The following SMIM35 variants were observed in gnomAD, a reference collection of about 807,000 sequenced individuals.
SMIM35 encodes the protein small integral membrane protein 35.
chr11:118,058,987 G>A (rs956280103), intron 1 of SMIM35: 10 of 152,464 alleles, frequency 6.6e-5, no homozygotes, highest in African/African-American at 1.9e-4. Flanking sequence ...AGAGCTGGGG[G>A]AGGCCTCCCA....
At chr11:118,038,788 T>C (rs55825454) in intron 1 of SMIM35, among the ~76,000 whole-genome samples, 2,925 of 151,574 alleles carry the variant, frequency 0.019, 43 homozygotes, top group African/African-American at 0.046. Context: ...TGAAAGATGA[T>C]AGGAATCAGA....
chr11:118,028,778 AAGG>A (rs1347787700), intron 1 of SMIM35: 4 of 447,944 alleles, frequency 8.9e-6, no homozygotes, highest in South Asian at 3.2e-5. Flanking sequence ...TGAGAAGCAA[AAGG>A]AGGAGGAGGA....
intron 1 of SMIM35, among the ~76,000 whole-genome samples, chr11:118,038,166 A>G (rs1943935625): frequency 6.6e-6 from 1 of 152,164 alleles, no homozygotes; most frequent in Non-Finnish European, 1.5e-5. Context: ...TGGATTTGAG[A>G]ATGTTCTGAA....
chr11:118,057,279 T>C (rs148385243), intron 1 of SMIM35, among the ~76,000 whole-genome samples: 243 of 152,244 alleles, frequency 1.6e-3, no homozygotes, highest in African/African-American at 5.3e-3. Context: ...GGTGTAGTTA[T>C]GTGTATGGGA....
chr11:118,056,856 C>G (rs1944319126), intron 1 of SMIM35, among the ~76,000 whole-genome samples: 1 of 152,154 alleles, frequency 6.6e-6, no homozygotes, highest in South Asian at 2.1e-4. Context: ...CATCAGTGGC[C>G]TCTGCAAACA....
chr11:118,004,513 T>C lies in SMIM35; in HGVS notation c.*1897A>G, dbSNP rs1176055539. 8 of 152,172 alleles carry C rather than the reference T, an allele frequency of 5.3e-5. No individual in the cohort carries two copies. Among genetic ancestry groups the C allele is most frequent in the Admixed American group, 5.2e-4 (8 of 15,268 alleles). 9.4% of individuals were successfully genotyped at this position (152,172 alleles called of 1,614,324 possible). ...TGGAGGGAGAGGGGAGATGATGAGT[T>C]CTGGCTTAATAATGACAAGTCATCC... is the stretch of plus-strand genomic sequence containing the variant. On this transcript the variant is annotated 3_prime_UTR_variant, in exon 5 of 5. Transcript: ENST00000689828.
chr11:118,053,479 C>T (rs1051481269), intron 1 of SMIM35, among the ~76,000 whole-genome samples: 1 of 152,138 alleles, frequency 6.6e-6, no homozygotes, highest in Non-Finnish European at 1.5e-5. Context: ...TCCTGGAGTC[C>T]CACCTGCATG....
chr11:118,084,016 C>A (rs1274825588), intron 1 of SMIM35, among the ~76,000 whole-genome samples: 1 of 152,116 alleles, frequency 6.6e-6, no homozygotes, highest in East Asian at 1.9e-4. Context: ...CCAGCCTGGG[C>A]AACAGAGCGA....
intron 1 of SMIM35, among the ~76,000 whole-genome samples, chr11:118,052,583 C>T (rs144102725): frequency 4.0e-4 from 61 of 152,216 alleles, no homozygotes; most frequent in African/African-American, 1.4e-3. Flanking sequence ...CCTGAGTCTG[C>T]CCTGGCTCCC....
intron 4 of SMIM35, among the ~76,000 whole-genome samples, chr11:118,009,951 G>A (rs1032086535): frequency 3.9e-5 from 6 of 152,178 alleles, no homozygotes; most frequent in South Asian, 2.1e-4. Flanking sequence ...AGCTACATCC[G>A]TGAGGGTGCA....
chr11:118,035,054 C>T (rs993577935), intron 1 of SMIM35, among the ~76,000 whole-genome samples: 1 of 151,674 alleles, frequency 6.6e-6, no homozygotes, highest in African/African-American at 2.4e-5. Context: ...TGGGTTCAAG[C>T]GATTCTGGTG....
chr11:118,045,264 T>G (rs1944079214), intron 1 of SMIM35, among the ~76,000 whole-genome samples: 1 of 151,902 alleles, frequency 6.6e-6, no homozygotes, highest in Non-Finnish European at 1.5e-5. Context: ...AATTCCACGT[T>G]TTAAAGATCA....
intron 4 of SMIM35, among the ~76,000 whole-genome samples, chr11:118,008,148 G>A (rs1274070614): frequency 6.6e-6 from 1 of 152,140 alleles, no homozygotes; most frequent in Non-Finnish European, 1.5e-5. Flanking sequence ...AGGATTACAG[G>A]CGTGAGCCAC....
chr11:118,079,526 T>C (rs1418049146), intron 1 of SMIM35, among the ~76,000 whole-genome samples: 6 of 152,208 alleles, frequency 3.9e-5, no homozygotes, highest in Admixed American at 3.9e-4. Flanking sequence ...AGCTGAGGCC[T>C]GGAGGGAAGT....
intron 1 of SMIM35, among the ~76,000 whole-genome samples, chr11:118,017,681 A>G (rs893905912): frequency 1.3e-5 from 2 of 152,198 alleles, no homozygotes; most frequent in African/African-American, 4.8e-5. Flanking sequence ...TCACACTACT[A>G]ATAAAAACGT....
At chr11:118,010,447 G>T (rs116200161) in intron 4 of SMIM35, among the ~76,000 whole-genome samples, 1,695 of 152,310 alleles carry the variant, frequency 0.011, 27 homozygotes, top group African/African-American at 0.038. Flanking sequence ...TGGCTACATT[G>T]GGTGTCTCTT....
At chr11:118,041,042 C>T (rs941093821) in intron 1 of SMIM35, among the ~76,000 whole-genome samples, 3 of 151,864 alleles carry the variant, frequency 2.0e-5, no homozygotes, top group African/African-American at 4.8e-5. Context: ...TATTTCTATA[C>T]ATCACTGGTA....
At chr11:118,019,982 G>T (rs79393445) in intron 1 of SMIM35, among the ~76,000 whole-genome samples, 2,220 of 152,164 alleles carry the variant, frequency 0.015, 46 homozygotes, top group African/African-American at 0.05. Flanking sequence ...AATAAATCTC[G>T]GCTGGGCATG....
At chr11:118,037,006 G>C (rs2058364420) in intron 1 of SMIM35, among the ~76,000 whole-genome samples, 1 of 152,198 alleles carries the variant, frequency 6.6e-6, no homozygotes, top group Non-Finnish European at 1.5e-5. Flanking sequence ...TGTGAGCTAA[G>C]TTGCAAGCCC....
Sources: allele counts gnomAD v4.1 joint callset (sites outside exome capture counted in the v4.1 genomes callset), GRCh38; gene constraint gnomAD v4.1.1; transcripts MANE v1.5; gene names NCBI Gene and HGNC (gene_info 2026-07-23, HGNC 2026-07-21).